The following DPP6 variants were observed in gnomAD, a reference collection of about 807,000 sequenced individuals.
The protein encoded by DPP6 is A-type potassium channel modulatory protein DPP6.
In DPP6, 69 loss-of-function variants were observed where a neutral mutation model predicts 122.6. The ratio of observed to expected loss-of-function variants is 0.56; its 90% CI spans 0.46 to 0.69. The LOEUF is 0.69. Ranked by LOEUF, DPP6 falls within the 30% of genes least tolerant of loss-of-function variation. The pLI is 0.00. For synonymous variants in DPP6, 418 were observed against 433.1 expected (o/e 0.97, Z 0.43); for missense variants, 928 against 1,116.9 (o/e 0.83, Z 2.41).
At chr7:154,230,771 G>A (rs1800875342) in intron 1 of DPP6, among the ~76,000 whole-genome samples, 1 of 152,178 alleles carries the variant, frequency 6.6e-6, no homozygotes, top group African/African-American at 2.4e-5. Context: ...ATGTCTTTTT[G>A]CCACTCAAAA....
At chr7:154,190,851 C>G (rs777701332) in intron 1 of DPP6, among the ~76,000 whole-genome samples, 1 of 152,098 alleles carries the variant, frequency 6.6e-6, no homozygotes, top group Non-Finnish European at 1.5e-5. Context: ...TACTCCTAGC[C>G]AACAAAATAT....
chr7:153,929,877 C>T (rs765221165), intron 1 of DPP6, among the ~76,000 whole-genome samples: 1 of 152,150 alleles, frequency 6.6e-6, no homozygotes, highest in African/African-American at 2.4e-5. Flanking sequence ...TTCCATAATT[C>T]TAAGTCAAAG....
At chr7:154,047,062 T>C (rs2533749) in intron 1 of DPP6, among the ~76,000 whole-genome samples, 72,318 of 145,258 alleles carry the variant, frequency 0.5, 18,880 homozygotes, top group African/African-American at 0.62. Context: ...ATTTTGGTTT[T>C]GCTGTTGCTT....
intron 1 of DPP6, among the ~76,000 whole-genome samples, chr7:153,929,910 C>T (rs531551701): frequency 6.6e-5 from 10 of 152,250 alleles, no homozygotes; most frequent in South Asian, 2.1e-4. Context: ...ATTCTGACAT[C>T]GTGGAAGCCA....
At chr7:154,288,794 G>T (rs934681992) in intron 1 of DPP6, among the ~76,000 whole-genome samples, 5 of 152,134 alleles carry the variant, frequency 3.3e-5, no homozygotes, top group Non-Finnish European at 7.4e-5. Context: ...AAAAACAGAT[G>T]CAAATACCTG....
At chr7:153,968,320 T>A (rs554199581) in intron 1 of DPP6, among the ~76,000 whole-genome samples, 76 of 152,162 alleles carry the variant, frequency 5.0e-4, no homozygotes, top group African/African-American at 1.8e-3. Context: ...ATGTTCAGCA[T>A]TTTTTCATAT....
At chr7:154,750,249 C>G (rs927529029) in intron 8 of DPP6, among the ~76,000 whole-genome samples, 2 of 152,186 alleles carry the variant, frequency 1.3e-5, no homozygotes, top group African/African-American at 4.8e-5. Flanking sequence ...GATGAACACC[C>G]TCGCTCTCCA....
intron 1 of DPP6, among the ~76,000 whole-genome samples, chr7:154,124,025 C>T (rs1215898450): frequency 6.6e-6 from 1 of 150,938 alleles, no homozygotes; most frequent in Non-Finnish European, 1.5e-5. Context: ...TGGGGACAGA[C>T]ATGCCGCCCA....
intron 8 of DPP6, among the ~76,000 whole-genome samples, chr7:154,752,749 A>G (rs1247142631): frequency 6.6e-6 from 1 of 152,170 alleles, no homozygotes; most frequent in Non-Finnish European, 1.5e-5. Flanking sequence ...GCTCTGTTCT[A>G]GGATGTGGAT....
At chr7:154,790,077 A>G (rs1480879836) in intron 10 of DPP6, among the ~76,000 whole-genome samples, 2 of 152,166 alleles carry the variant, frequency 1.3e-5, no homozygotes, top group African/African-American at 4.8e-5. Context: ...AGGCACCTGT[A>G]ATCCCAGCTA....
At chr7:153,918,371 T>G (rs796419464) in intron 1 of DPP6, among the ~76,000 whole-genome samples, 1 of 151,826 alleles carries the variant, frequency 6.6e-6, no homozygotes. Context: ...TTAAAATGAT[T>G]GAATACGTTA....
intron 7 of DPP6, among the ~76,000 whole-genome samples, chr7:154,702,602 C>A (rs1048221040): frequency 2.0e-5 from 3 of 152,212 alleles, no homozygotes; most frequent in Non-Finnish European, 4.4e-5. Context: ...TAATCCAGAA[C>A]AAGATCCTAA....
intron 1 of DPP6, among the ~76,000 whole-genome samples, chr7:154,425,710 A>G (rs1170263584): frequency 1.3e-5 from 2 of 151,466 alleles, no homozygotes; most frequent in Admixed American, 1.3e-4. Flanking sequence ...TGGCATGATC[A>G]TAGCTCACTG....
Position 154,062,102 on chromosome 7 carries a change from G to C in DPP6, c.243+9039G>C, listed in dbSNP as rs1176728609. On this transcript the variant is annotated intron_variant, in intron 1 of 25. Transcript: ENST00000377770. ...CTCTTAGGACCCCCATCGCAGAGGG[G>C]GGACGCACCCCCCGCGAGGCGGGGA... Among the ~76,000 whole-genome samples, 3 of 105,070 alleles carry C rather than the reference G, an allele frequency of 2.9e-5. 1 individual carries two copies. Among genetic ancestry groups the C allele is most frequent in the Non-Finnish European group, 6.2e-5 (3 of 48,316 alleles). The allele number at this position is 105,070 out of a possible 152,430, so 68.9% of individuals were successfully genotyped here.
chr7:154,042,413 A>G (rs1399122919), intron 1 of DPP6, among the ~76,000 whole-genome samples: 1 of 152,202 alleles, frequency 6.6e-6, no homozygotes, highest in Non-Finnish European at 1.5e-5. Context: ...GAAAATTTAT[A>G]TAGTTTCCTC....
Position 154,105,112 on chromosome 7 carries a change from G to A in DPP6, c.243+52049G>A, listed in dbSNP as rs149608294. Reference sequence around the variant, plus strand: ...ACTGCACTCCAGCCTGGGTGATAGAGTGAGACTCTGTCTAAAAAACAAAAC... The same window carrying A: ...ACTGCACTCCAGCCTGGGTGATAGAATGAGACTCTGTCTAAAAAACAAAAC... On this transcript the variant is annotated intron_variant, in intron 1 of 25. Transcript: ENST00000377770. 6.0e-3 allele frequency among the ~76,000 whole-genome samples: 918 copies of A among 152,358 alleles called. 12 individuals carry two copies. Among genetic ancestry groups the A allele is most frequent in the African/African-American group, 0.021 (882 of 41,584 alleles).
the DPP6 span, among the ~76,000 whole-genome samples, chr7:153,853,408 A>C: frequency 2.0e-5 from 3 of 152,202 alleles, no homozygotes; most frequent in Non-Finnish European, 4.4e-5. Flanking sequence ...GGCTTGAGGC[A>C]GGATGGGTAG....
chr7:154,634,539 CA>C (rs1835609377), intron 5 of DPP6, among the ~76,000 whole-genome samples: 1 of 152,110 alleles, frequency 6.6e-6, no homozygotes, highest in Non-Finnish European at 1.5e-5. Context: ...TTCTAGTCCC[CA>C]TGCATACATT....
intron 1 of DPP6, among the ~76,000 whole-genome samples, chr7:153,923,760 C>CAA (rs1158548494): frequency 0.072 from 3,336 of 46,586 alleles, 252 homozygotes; most frequent in African/African-American, 0.1. Context: ...GACTCCATCT[C>CAA]AAAAAAAAAA....
Sources: gnomAD v4.1 joint callset for allele counts (sites outside exome capture counted in the v4.1 genomes callset) on GRCh38, gnomAD v4.1.1 for gene constraint, MANE v1.5 for transcripts, NCBI Gene and HGNC (gene_info 2026-07-23, HGNC 2026-07-21) for gene names.